Variants in FASTKD1 observed in about 807,000 individuals in gnomAD.
The protein encoded by FASTKD1 is FAST kinase domains 1.
Under a neutral mutation model 90.9 loss-of-function variants are expected in FASTKD1, and 94 were observed. The ratio of observed to expected loss-of-function variants is 1.03; its 90% CI spans 0.88 to 1.23. The LOEUF (loss-of-function observed/expected upper bound fraction) is 1.23, where lower values mean the gene tolerates loss of function less well. Among genes scored for constraint, FASTKD1 ranks in the 50% most tolerant of loss-of-function variants. The pLI is 0.00. For synonymous variants in FASTKD1, 319 were observed against 345.8 expected, an observed-to-expected ratio of 0.92 and a Z score of 0.86; for missense variants, 945 against 993.5, an observed-to-expected ratio of 0.95 and a Z score of 0.66.
chr2:169,556,254 T>C (rs1005250461), intron 6 of FASTKD1, among the ~76,000 whole-genome samples: 2 of 150,610 alleles, frequency 1.3e-5, no homozygotes, highest in African/African-American at 4.9e-5. Flanking sequence ...CTGGGTAACA[T>C]GGCAAAACAC....
chr2:169,543,723 T>G (rs1685062127), intron 9 of FASTKD1, among the ~76,000 whole-genome samples: 1 of 152,154 alleles, frequency 6.6e-6, no homozygotes, highest in Non-Finnish European at 1.5e-5. Flanking sequence ...GGGCTACAGT[T>G]CATTATTATA....
intron 12 of FASTKD1, among the ~76,000 whole-genome samples, chr2:169,532,360 A>G (rs1448955584): frequency 6.6e-6 from 1 of 151,042 alleles, no homozygotes; most frequent in African/African-American, 2.4e-5. Context: ...GCAGTAAGCC[A>G]TGCTTGTGCC....
intron 9 of FASTKD1, 146 bp from the exon 10 acceptor site, chr2:169,540,325 G>C: frequency 1.2e-6 from 1 of 815,924 alleles, no homozygotes. Context: ...CAGGATAATG[G>C]TTAAGTGGTT....
At chr2:169,537,067 A>T in intron 12 of FASTKD1, 160 bp downstream of exon 12, 1 of 504,000 alleles carries the variant, frequency 2.0e-6, no homozygotes, top group Non-Finnish European at 3.5e-6. Context: ...GAACTTGAGG[A>T]TTTATTCTAT....
At chr2:169,561,931 GTTAATTTATTATAAATTAATTA>G (rs1446591991) in intron 4 of FASTKD1, among the ~76,000 whole-genome samples, 6 of 134,202 alleles carry the variant, frequency 4.5e-5, no homozygotes, top group African/African-American at 1.1e-4. Context: ...TCAATTATTT[GTTAATTTATTATAAATTAATTA>G]TTAATTTATT....
At chr2:169,547,884 C>CAAA (rs1158292826) in intron 7 of FASTKD1, among the ~76,000 whole-genome samples, 264 of 21,340 alleles carry the variant, frequency 0.012, 23 homozygotes, top group East Asian at 0.02. Context: ...GACTCCATCT[C>CAAA]AAAAAAAAAA....
intron 12 of FASTKD1, among the ~76,000 whole-genome samples, chr2:169,535,425 A>T (rs1379181110): frequency 6.6e-6 from 1 of 150,724 alleles, no homozygotes; most frequent in African/African-American, 2.4e-5. Flanking sequence ...AGAGGGGCAT[A>T]CCACCATGCC....
At chr2:169,547,325 C>G (rs1447656569) in intron 7 of FASTKD1, among the ~76,000 whole-genome samples, 1 of 152,180 alleles carries the variant, frequency 6.6e-6, no homozygotes, top group Non-Finnish European at 1.5e-5. Flanking sequence ...ACCCAGTCTT[C>G]TTGGGTTTTT....
chr2:169,563,957 G>C (rs1274182083), intron 3 of FASTKD1, among the ~76,000 whole-genome samples: 3 of 152,082 alleles, frequency 2.0e-5, no homozygotes, highest in Non-Finnish European at 2.9e-5. Flanking sequence ...ACATACTATA[G>C]GATTCCATTT....
chr2:169,560,540 C>T lies in FASTKD1; in HGVS notation c.818G>A (p.Ser273Asn), dbSNP rs1368237907. 2 of 1,603,164 alleles carry T rather than the reference C, an allele frequency of 1.2e-6. No homozygotes were observed. Among genetic ancestry groups the T allele is most frequent in the East Asian group, 4.5e-5 (2 of 44,694 alleles). Residue 273 changes from serine to asparagine, a missense_variant, in exon 5 of 15, where the codon AGT (serine) becomes AAT (asparagine). Transcript: ENST00000453153. ...ATTAAATTGTAGAAATTTGTATACA[C>T]TAAGTATTTTACTGATGGAATCCAA... ...LDLDSISKIL[S>N]VYKFLQFNSF...
chr2:169,558,220 T>C (rs1425980255), intron 5 of FASTKD1, among the ~76,000 whole-genome samples: 1 of 152,160 alleles, frequency 6.6e-6, no homozygotes, highest in Non-Finnish European at 1.5e-5. Flanking sequence ...TAACAGTACT[T>C]GGTGACAAAA....
chr2:169,543,987 G>A (rs1464454613), intron 9 of FASTKD1, among the ~76,000 whole-genome samples: 1 of 152,172 alleles, frequency 6.6e-6, no homozygotes, highest in Non-Finnish European at 1.5e-5. Flanking sequence ...CTGTGTATTA[G>A]ATATTAGGGG....
At chr2:169,565,393 G>C (rs1475009491) in intron 3 of FASTKD1, among the ~76,000 whole-genome samples, 2 of 150,678 alleles carry the variant, frequency 1.3e-5, no homozygotes, top group African/African-American at 4.9e-5. Flanking sequence ...CTCAGGAGTA[G>C]CTGGGACTAT....
intron 4 of FASTKD1, among the ~76,000 whole-genome samples, chr2:169,562,449 T>C (rs1157419441): frequency 6.6e-6 from 1 of 152,116 alleles, no homozygotes; most frequent in African/African-American, 2.4e-5. Context: ...GCCAGGCTGG[T>C]CTCGAACTCC....
intron 9 of FASTKD1, among the ~76,000 whole-genome samples, chr2:169,543,349 G>A (rs1172893907): frequency 6.6e-6 from 1 of 152,150 alleles, no homozygotes; most frequent in Non-Finnish European, 1.5e-5. Flanking sequence ...TGTAATCCCA[G>A]CTACTCGGGA....
intron 2 of FASTKD1, chr2:169,571,086 G>A (rs185502231): frequency 6.5e-6 from 1 of 152,756 alleles, no homozygotes; most frequent in Non-Finnish European, 1.5e-5. Flanking sequence ...GTTAACAATA[G>A]TATTACAGTT....
intron 12 of FASTKD1, 112 bp downstream of exon 12, chr2:169,537,115 T>C (rs779481627): frequency 6.7e-5 from 45 of 669,682 alleles, no homozygotes; most frequent in Middle Eastern, 4.4e-4. Flanking sequence ...TTAATAATAA[T>C]AACAACTTGA....
intron 7 of FASTKD1, 33 bp from the exon 8 acceptor site, chr2:169,546,737 C>G (rs1315624325): frequency 6.4e-7 from 1 of 1,558,070 alleles, no homozygotes; most frequent in Non-Finnish European, 8.7e-7. Context: ...AATACATCAG[C>G]AACAAACCCA....
intron 3 of FASTKD1, among the ~76,000 whole-genome samples, chr2:169,565,088 G>A (rs1683899418): frequency 6.7e-6 from 1 of 149,898 alleles, no homozygotes; most frequent in Non-Finnish European, 1.5e-5. Flanking sequence ...CCGAGTAGCT[G>A]GGATTACAGG....
Sources: gnomAD v4.1 joint callset for allele counts (sites outside exome capture counted in the v4.1 genomes callset) on GRCh38, gnomAD v4.1.1 for gene constraint, MANE v1.5 for transcripts, NCBI Gene and HGNC (gene_info 2026-07-23, HGNC 2026-07-21) for gene names.